The following KIF6 variants were observed in gnomAD, a reference collection of about 807,000 sequenced individuals.
KIF6 encodes the protein kinesin-like protein KIF6.
Under a neutral mutation model 112.7 loss-of-function variants are expected in KIF6, and 106 were observed. That is an observed-to-expected ratio of 0.94 (90% CI 0.80 to 1.11). The LOEUF is 1.11. Ranked by LOEUF, KIF6 falls within the 50% of genes least tolerant of loss-of-function variation. KIF6 has a pLI of 0.00. For synonymous variants in KIF6, 339 were observed against 339.9 expected, an observed-to-expected ratio of 1.00 and a Z score of 0.03; for missense variants, 929 against 964.0, an observed-to-expected ratio of 0.96 and a Z score of 0.48.
At chr6:39,683,148 A>G (rs537796098) in intron 3 of KIF6, among the ~76,000 whole-genome samples, 2 of 152,362 alleles carry the variant, frequency 1.3e-5, no homozygotes, top group East Asian at 3.9e-4. Context: ...AAAGTTTGAG[A>G]GAGCCTTTAT....
intron 3 of KIF6, among the ~76,000 whole-genome samples, chr6:39,672,915 GAA>G (rs1461503037): frequency 1.3e-5 from 2 of 152,120 alleles, no homozygotes; most frequent in Non-Finnish European, 2.9e-5. Flanking sequence ...ATAGCAAGTA[GAA>G]AAGAAATTGG....
At chr6:39,364,155 G>A (rs189376296) in intron 16 of KIF6, among the ~76,000 whole-genome samples, 4 of 151,500 alleles carry the variant, frequency 2.6e-5, no homozygotes, top group South Asian at 2.1e-4. Flanking sequence ...GCAGCAGCGC[G>A]ATCTCCACTG....
intron 13 of KIF6, among the ~76,000 whole-genome samples, chr6:39,475,699 A>G (rs1411190311): frequency 6.6e-6 from 1 of 152,178 alleles, no homozygotes. Flanking sequence ...CAGCTTGAAC[A>G]GCCTTCCCAT....
chr6:39,448,449 A>G (rs2150404633), intron 13 of KIF6, among the ~76,000 whole-genome samples: 1 of 152,300 alleles, frequency 6.6e-6, no homozygotes, highest in East Asian at 1.9e-4. Flanking sequence ...TGCTGGGATT[A>G]CAGGTGTGAG....
intron 5 of KIF6, chr6:39,620,396 T>C (rs1242267359): frequency 6.6e-6 from 1 of 152,236 alleles, no homozygotes; most frequent in Non-Finnish European, 1.5e-5. Context: ...CCTATAAGAA[T>C]AGATACATCT....
intron 16 of KIF6, among the ~76,000 whole-genome samples, chr6:39,364,452 C>A (rs1043966568): frequency 6.6e-6 from 1 of 152,148 alleles, no homozygotes; most frequent in African/African-American, 2.4e-5. Flanking sequence ...CCTGCTCAAT[C>A]CCTCACCTGA....
chr6:39,444,809 G>T (rs948223080), intron 13 of KIF6, among the ~76,000 whole-genome samples: 1 of 151,840 alleles, frequency 6.6e-6, no homozygotes, highest in Non-Finnish European at 1.5e-5. Context: ...AGACCTAAGG[G>T]TCAGAAGGTC....
At chr6:39,504,435 G>C (rs1196906766) in intron 13 of KIF6, among the ~76,000 whole-genome samples, 1 of 152,102 alleles carries the variant, frequency 6.6e-6, no homozygotes. Flanking sequence ...TTGAAAACTG[G>C]CACAAGAGAA....
At chr6:39,705,361 G>A (rs551634440) in intron 3 of KIF6, among the ~76,000 whole-genome samples, 8 of 152,280 alleles carry the variant, frequency 5.3e-5, no homozygotes, top group Admixed American at 3.3e-4. Flanking sequence ...TCTATATAGC[G>A]TGATTTTAGT....
At chr6:39,341,028 C>T (rs1427367582) in intron 22 of KIF6, among the ~76,000 whole-genome samples, 5 of 152,106 alleles carry the variant, frequency 3.3e-5, no homozygotes, top group Admixed American at 6.5e-5. Context: ...CCTCTCCCAC[C>T]ACAGCATCAG....
intron 13 of KIF6, among the ~76,000 whole-genome samples, chr6:39,484,296 G>A (rs1422282607): frequency 6.6e-6 from 1 of 152,178 alleles, no homozygotes; most frequent in East Asian, 1.9e-4. Flanking sequence ...CCTGGTGTGA[G>A]ACACAAAGTA....
chr6:39,537,058 A>G (rs1158742009), intron 13 of KIF6, among the ~76,000 whole-genome samples: 2 of 152,202 alleles, frequency 1.3e-5, no homozygotes, highest in East Asian at 3.8e-4. Flanking sequence ...TATTGATGGG[A>G]CGTATCTCAA....
intron 3 of KIF6, among the ~76,000 whole-genome samples, chr6:39,696,853 CT>C (rs1374296626): frequency 1.3e-5 from 2 of 151,390 alleles, no homozygotes; most frequent in Non-Finnish European, 2.9e-5. Flanking sequence ...CATGTTAGCT[CT>C]TTTTTAAATC....
At chr6:39,480,335 T>C (rs149511298) in intron 13 of KIF6, among the ~76,000 whole-genome samples, 1,594 of 152,350 alleles carry the variant, frequency 0.01, 15 homozygotes, top group Non-Finnish European at 0.017. Context: ...TTTAATTCTG[T>C]TTATATGGCG....
intron 16 of KIF6, among the ~76,000 whole-genome samples, chr6:39,381,014 G>A (rs1293747596): frequency 6.6e-6 from 1 of 152,190 alleles, no homozygotes; most frequent in East Asian, 1.9e-4. Context: ...GACTGAGCCA[G>A]CTCAGCACAC....
At chr6:39,523,011 A>C (rs569072269) in intron 13 of KIF6, among the ~76,000 whole-genome samples, 1 of 152,222 alleles carries the variant, frequency 6.6e-6, no homozygotes, top group Non-Finnish European at 1.5e-5. Context: ...CGCTAAAGCT[A>C]TACATTCGTT....
intron 3 of KIF6, among the ~76,000 whole-genome samples, chr6:39,682,308 C>A (rs1161226933): frequency 6.6e-6 from 1 of 152,168 alleles, no homozygotes; most frequent in Non-Finnish European, 1.5e-5. Flanking sequence ...CACACCCAGG[C>A]TATATTGGCA....
intron 5 of KIF6, among the ~76,000 whole-genome samples, chr6:39,623,593 G>A (rs958089): frequency 6.6e-6 from 1 of 152,082 alleles, no homozygotes; most frequent in Non-Finnish European, 1.5e-5. Flanking sequence ...TTCTTAGATC[G>A]AGTTAGGTAA....
At chr6:39,428,808 T>C (rs950164001) in intron 14 of KIF6, among the ~76,000 whole-genome samples, 4 of 152,228 alleles carry the variant, frequency 2.6e-5, no homozygotes, top group African/African-American at 9.6e-5. Context: ...TTGGTATGCA[T>C]ACATCTAATC....
Sources: allele counts gnomAD v4.1 joint callset (sites outside exome capture counted in the v4.1 genomes callset), GRCh38; gene constraint gnomAD v4.1.1; transcripts MANE v1.5; gene names NCBI Gene and HGNC (gene_info 2026-07-23, HGNC 2026-07-21).